FBXL20: variants seen among roughly 807,000 people sequenced by gnomAD.
FBXL20 encodes the protein F-box/LRR-repeat protein 20.
In FBXL20, 11 loss-of-function variants were observed where a neutral mutation model predicts 64.0. The observed-to-expected ratio is 0.17, with a 90% CI of 0.11 to 0.28. The LOEUF is 0.28. FBXL20 is among the 10% of genes least tolerant of loss of function. The pLI is 1.00. For synonymous variants in FBXL20, 184 were observed against 189.0 expected, an observed-to-expected ratio of 0.97 and a Z score of 0.22; for missense variants, 303 against 526.2, an observed-to-expected ratio of 0.58 and a Z score of 4.15.
At chr17:39,348,043 A>G (rs2047650943) in intron 1 of FBXL20, among the ~76,000 whole-genome samples, 1 of 151,628 alleles carries the variant, frequency 6.6e-6, no homozygotes, top group Non-Finnish European at 1.5e-5. Context: ...CAGTCTTTCA[A>G]AACTAAACCA....
rs186839014 is a variant in FBXL20, at chr17:39,282,716, C to G, written c.621+13G>C. On this transcript the variant is annotated intron_variant, in intron 8 of 14. Coordinates refer to ENST00000264658, the MANE Select transcript of FBXL20 (RefSeq NM_032875.3). ...ATTCTTCCGAATTTCACGAGCCCTA[C>G]ATGGAGTATTACCTGCGTGCAGCCT... 89 of 1,614,136 alleles carry G rather than the reference C, an allele frequency of 5.5e-5. No homozygotes were observed. The African/African-American group carries it at 1.1e-3, about 20-fold the overall frequency.
chr17:39,336,014 G>A (rs2047518226), intron 2 of FBXL20, among the ~76,000 whole-genome samples: 4 of 152,082 alleles, frequency 2.6e-5, no homozygotes. Flanking sequence ...CAGCTACTCA[G>A]GAGCTGAGGA....
intron 1 of FBXL20, among the ~76,000 whole-genome samples, chr17:39,363,809 T>TCAAAAAAAAAAAAA (rs1567896908): frequency 1.2e-3 from 30 of 24,166 alleles, no homozygotes; most frequent in African/African-American, 5.6e-3. Flanking sequence ...AGACTTTATC[T>TCAAAAAAAAAAAAA]CAAAAAAAAA....
intron 12 of FBXL20, among the ~76,000 whole-genome samples, chr17:39,265,686 AATTT>A (rs2046784906): frequency 6.9e-6 from 1 of 145,174 alleles, no homozygotes; most frequent in African/African-American, 2.5e-5. Flanking sequence ...AAATTAAAAA[AATTT>A]TTTTTTTTTT....
At chr17:39,310,430 A>C (rs1263707479) in intron 2 of FBXL20, among the ~76,000 whole-genome samples, 1 of 152,112 alleles carries the variant, frequency 6.6e-6, no homozygotes, top group Non-Finnish European at 1.5e-5. Flanking sequence ...CTAATCTAAG[A>C]ATTCATCCCC....
At chr17:39,320,745 C>T (rs953946570) in intron 2 of FBXL20, among the ~76,000 whole-genome samples, 1 of 152,040 alleles carries the variant, frequency 6.6e-6, no homozygotes, top group African/African-American at 2.4e-5. Flanking sequence ...CAGGTAAATA[C>T]AACCATATCT....
intron 2 of FBXL20, among the ~76,000 whole-genome samples, chr17:39,309,797 AAAAAAAAAGAAAAG>A (rs1462027341): frequency 1.3e-5 from 2 of 151,410 alleles, no homozygotes; most frequent in African/African-American, 4.8e-5. Context: ...ATCTCAAAAA[AAAAAAAAAGAAAAG>A]AAAAATAAAG....
intron 6 of FBXL20, among the ~76,000 whole-genome samples, chr17:39,288,239 T>C (rs369351351): frequency 6.6e-6 from 1 of 152,170 alleles, no homozygotes; most frequent in Non-Finnish European, 1.5e-5. Flanking sequence ...AGTGCTGGGA[T>C]TGCACACATG....
chr17:39,398,578 G>A (rs1264331671), intron 1 of FBXL20, among the ~76,000 whole-genome samples: 1 of 152,030 alleles, frequency 6.6e-6, no homozygotes. Context: ...CACATCTCTT[G>A]ATCTCTTAAA....
At chr17:39,384,945 C>T (rs1172785609) in intron 1 of FBXL20, among the ~76,000 whole-genome samples, 4 of 151,898 alleles carry the variant, frequency 2.6e-5, no homozygotes, top group Non-Finnish European at 5.9e-5. Context: ...ACAGAGACTC[C>T]GTCTCAACAA....
intron 1 of FBXL20, among the ~76,000 whole-genome samples, chr17:39,372,599 TA>T (rs1334349063): frequency 1.3e-5 from 2 of 150,324 alleles, no homozygotes; most frequent in East Asian, 3.9e-4. Context: ...GTTTAAGGGC[TA>T]AATGTCTGTT....
At chr17:39,276,137 C>T (rs912573162) in intron 9 of FBXL20, among the ~76,000 whole-genome samples, 1 of 141,464 alleles carries the variant, frequency 7.1e-6, no homozygotes, top group East Asian at 2.3e-4. Context: ...ATCCCAGCTA[C>T]TTGGACGGCT....
At chr17:39,356,214 CAAAA>C (rs56838813) in intron 1 of FBXL20, among the ~76,000 whole-genome samples, 8 of 75,854 alleles carry the variant, frequency 1.1e-4, no homozygotes, top group Admixed American at 1.4e-4. Context: ...GACTCCATCT[CAAAA>C]AAAAAAAAAA....
At chr17:39,302,491 A>G (rs535810575) in intron 3 of FBXL20, among the ~76,000 whole-genome samples, 1 of 150,384 alleles carries the variant, frequency 6.6e-6, no homozygotes, top group Non-Finnish European at 1.5e-5. Context: ...CTCCTGCCTC[A>G]GCCTCCCGAG....
In FBXL20 at chr17:39,394,883, G is replaced by A. The variant is rs150157946; in HGVS notation, c.42+6478C>T. Among the ~76,000 whole-genome samples, 43 of 152,184 alleles carry A rather than the reference G, an allele frequency of 2.8e-4. 1 individual carries two copies. In the East Asian group the frequency reaches 8.3e-3, roughly 29 times the overall value. On this transcript the variant is annotated intron_variant, in intron 1 of 14. Coordinates refer to ENST00000264658, the MANE Select transcript of FBXL20 (RefSeq NM_032875.3). ...CAGATACTGTACCCGGCCAGATACG[G>A]AAATTTTTAATTCAGTTTCTAGTAT...
At chr17:39,308,516 T>C (rs2047203328) in intron 2 of FBXL20, among the ~76,000 whole-genome samples, 1 of 151,778 alleles carries the variant, frequency 6.6e-6, no homozygotes, top group Non-Finnish European at 1.5e-5. Flanking sequence ...AAAAAATAGG[T>C]TTCTATTAGA....
At position 39,257,585 on chromosome 17, in the gene FBXL20, A is replaced by G. The variant is rs1037501813; in HGVS notation, c.*3875T>C. 2 of 152,262 alleles carry G rather than the reference A, an allele frequency of 1.3e-5. No individual in the cohort carries two copies. The highest frequency in any genetic ancestry group is 4.8e-5 in the African/African-American group (2 of 41,474). The allele number at this position is 152,262 out of a possible 1,614,324, so 9.4% of individuals were successfully genotyped here. A position where few individuals can be genotyped will look rare whatever the true frequency, so the allele number is the denominator to read the frequency against. On this transcript the variant is annotated 3_prime_UTR_variant, in exon 15 of 15. Coordinates refer to ENST00000264658, the MANE Select transcript of FBXL20 (RefSeq NM_032875.3). ...TATTCCAAATATTGGAAAAAGGGCTAAGGCCATATCCCTTTCTTCCTCATA... is the reference window on the plus strand; with the variant it reads ...TATTCCAAATATTGGAAAAAGGGCTGAGGCCATATCCCTTTCTTCCTCATA...
chr17:39,260,765 G>C lies in FBXL20; in HGVS notation c.*695C>G, dbSNP rs986017595. ...AGCAAGAGTGTGGGGGGGAGCAACA[G>C]AGAATGTAAGACAGGTGCACAAGTG... On this transcript the variant is annotated 3_prime_UTR_variant, in exon 15 of 15. Coordinates refer to ENST00000264658, the MANE Select transcript of FBXL20 (RefSeq NM_032875.3). 1 of 153,186 alleles carries C rather than the reference G, an allele frequency of 6.5e-6. No homozygotes were observed. The highest frequency in any genetic ancestry group is 2.4e-5 in the African/African-American group (1 of 41,458). The allele number at this position is 153,186 out of a possible 1,614,324, so 9.5% of individuals were successfully genotyped here.
chr17:39,326,160 G>T (rs554460104), intron 2 of FBXL20, among the ~76,000 whole-genome samples: 1 of 151,680 alleles, frequency 6.6e-6, no homozygotes, highest in East Asian at 1.9e-4. Flanking sequence ...TTCTCACCAG[G>T]AGTAGACGCT....
Sources: gnomAD v4.1 joint callset for allele counts (sites outside exome capture counted in the v4.1 genomes callset) on GRCh38, gnomAD v4.1.1 for gene constraint, MANE v1.5 for transcripts, NCBI Gene and HGNC (gene_info 2026-07-23, HGNC 2026-07-21) for gene names.